The following ADGB variants were observed in gnomAD, a reference collection of about 807,000 sequenced individuals.
ADGB encodes the protein calpain-7-like protein.
A neutral mutation model predicts 210.5 loss-of-function variants in ADGB; 172 were observed. The ratio of observed to expected loss-of-function variants is 0.82; its 90% CI spans 0.72 to 0.93. The LOEUF is 0.93. ADGB is among the 40% of genes least tolerant of loss of function. The pLI, the probability that ADGB is intolerant of heterozygous loss-of-function variation, is 0.00. For missense variants in ADGB, 2,025 were observed against 1,964.8 expected (o/e 1.03, Z -0.58); for synonymous variants, 658 against 662.7 (o/e 0.99, Z 0.11).
chr6:146,723,645 G>A (rs1175130759), intron 17 of ADGB, among the ~76,000 whole-genome samples: 1 of 152,152 alleles, frequency 6.6e-6, no homozygotes, highest in Admixed American at 6.5e-5. Flanking sequence ...ACTGAGGCAG[G>A]AGAATTGCTT....
chr6:146,691,467 T>TAA (rs1776321173), intron 11 of ADGB, among the ~76,000 whole-genome samples, 177 bp downstream of exon 11: 1 of 58,090 alleles, frequency 1.7e-5, no homozygotes, highest in African/African-American at 1.6e-4. Context: ...TAAAAATATA[T>TAA]ATATATATAA....
intron 26 of ADGB, 36 bp downstream of exon 26, chr6:146,746,145 TA>T (rs771558574): frequency 5.9e-6 from 8 of 1,350,546 alleles, no homozygotes; most frequent in African/African-American, 3.0e-5. Flanking sequence ...AGGCATTTTT[TA>T]AAAAATATTA....
At chr6:146,609,267 A>C (rs1351305565) in intron 1 of ADGB, among the ~76,000 whole-genome samples, 5 of 152,146 alleles carry the variant, frequency 3.3e-5, no homozygotes, top group Admixed American at 3.3e-4. Context: ...TTGTCATTGC[A>C]TGTGATATGG....
intron 12 of ADGB, 44 bp from the exon 13 acceptor site, chr6:146,700,897 G>A: frequency 1.3e-6 from 2 of 1,527,226 alleles, no homozygotes; most frequent in Non-Finnish European, 1.8e-6. Flanking sequence ...ACTTTAAACA[G>A]AAGATCAAAA....
At chr6:146,642,131 A>C (rs1265221487) in intron 2 of ADGB, among the ~76,000 whole-genome samples, 1 of 152,044 alleles carries the variant, frequency 6.6e-6, no homozygotes, top group African/African-American at 2.4e-5. Context: ...AAGAAGTCAT[A>C]TATGCAGCCA....
intron 7 of ADGB, 29 bp downstream of exon 7, chr6:146,666,931 C>G: frequency 6.9e-7 from 1 of 1,444,014 alleles, no homozygotes; most frequent in Non-Finnish European, 9.5e-7. Context: ...TTGCTCATAT[C>G]TATTTTTTTT....
At chr6:146,718,751 G>C (rs1359153729) in intron 16 of ADGB, among the ~76,000 whole-genome samples, 2 of 152,196 alleles carry the variant, frequency 1.3e-5, no homozygotes. Flanking sequence ...AAGAGTCCTT[G>C]AAACTTTTCC....
In ADGB at chr6:146,602,296, CT is replaced by C. The variant is rs935493553; in HGVS notation, c.74+3183del. ...CCCAGCATGTCCTGTTCTCCCTTCC[CT>C]GCTTTATATTTTCCTCCAGTTCTAA... On this transcript the variant is annotated intron_variant, in intron 1 of 35. Coordinates refer to ENST00000397944, the MANE Select transcript of ADGB (RefSeq NM_024694.4). 1.4e-4 allele frequency among the ~76,000 whole-genome samples: 22 copies of C among 152,256 alleles called. No individual in the cohort carries two copies. The East Asian group carries it at 4.3e-3, about 30-fold the overall frequency.
At chr6:146,729,807 C>A (rs1465929235) in intron 20 of ADGB, among the ~76,000 whole-genome samples, 1 of 151,132 alleles carries the variant, frequency 6.6e-6, no homozygotes. Context: ...TTGTCCTTTT[C>A]TTCTGGGTTA....
chr6:146,678,171 T>C (rs913791814), intron 9 of ADGB, among the ~76,000 whole-genome samples: 4 of 152,220 alleles, frequency 2.6e-5, no homozygotes, highest in South Asian at 4.2e-4. Flanking sequence ...CAAGAGGTAA[T>C]TGAGTGACAA....
chr6:146,643,000 A>T (rs1454927590), intron 2 of ADGB, among the ~76,000 whole-genome samples: 1 of 151,862 alleles, frequency 6.6e-6, no homozygotes, highest in Non-Finnish European at 1.5e-5. Flanking sequence ...AATAATAGAA[A>T]CTGATCCATG....
intron 23 of ADGB, 123 bp downstream of exon 23, chr6:146,736,714 G>T: frequency 1.9e-6 from 1 of 517,406 alleles, no homozygotes; most frequent in Non-Finnish European, 3.3e-6. Flanking sequence ...CCATTACTTC[G>T]GACCTTCCAC....
intron 4 of ADGB, among the ~76,000 whole-genome samples, chr6:146,654,439 AC>A (rs1775750819): frequency 6.6e-6 from 1 of 151,092 alleles, no homozygotes; most frequent in South Asian, 2.1e-4. Context: ...TGCAGTCTCA[AC>A]CTCCCGGGCT....
At chr6:146,631,675 A>G (rs1304483431) in intron 1 of ADGB, among the ~76,000 whole-genome samples, 3 of 152,164 alleles carry the variant, frequency 2.0e-5, no homozygotes, top group Non-Finnish European at 4.4e-5. Flanking sequence ...AAAAAATCCA[A>G]TGTTCCTACC....
intron 9 of ADGB, among the ~76,000 whole-genome samples, chr6:146,683,735 A>C (rs1776188071): frequency 6.6e-6 from 1 of 152,230 alleles, no homozygotes; most frequent in East Asian, 1.9e-4. Context: ...ACATAATGTT[A>C]TAAAGTAAGT....
chr6:146,602,670 C>T (rs1441626860), intron 1 of ADGB, among the ~76,000 whole-genome samples: 1 of 152,152 alleles, frequency 6.6e-6, no homozygotes, highest in African/African-American at 2.4e-5. Context: ...GGGTCCCCAC[C>T]CGCTGGGGCT....
At chr6:146,769,698 T>A (rs1017294243) in intron 29 of ADGB, among the ~76,000 whole-genome samples, 1 of 152,198 alleles carries the variant, frequency 6.6e-6, no homozygotes, top group Non-Finnish European at 1.5e-5. Context: ...TCTGAAAGAA[T>A]GTGTATTTTC....
chr6:146,791,876 G>A (rs986508661), intron 33 of ADGB, among the ~76,000 whole-genome samples: 1 of 149,572 alleles, frequency 6.7e-6, no homozygotes, highest in African/African-American at 2.5e-5. Context: ...CTCCACCTCA[G>A]CTTCCTAAGT....
At chr6:146,715,680 T>C (rs1234058631) in intron 14 of ADGB, among the ~76,000 whole-genome samples, 2 of 152,174 alleles carry the variant, frequency 1.3e-5, no homozygotes, top group African/African-American at 4.8e-5. Context: ...ATCGAAACAC[T>C]AAAACCACTG....
Sources: allele counts gnomAD v4.1 joint callset (sites outside exome capture counted in the v4.1 genomes callset), GRCh38; gene constraint gnomAD v4.1.1; transcripts MANE v1.5; gene names NCBI Gene and HGNC (gene_info 2026-07-23, HGNC 2026-07-21).